POF1B: variants seen among roughly 807,000 people sequenced by gnomAD.
POF1B encodes POF1B actin binding protein, also known as protein POF1B.
In POF1B, 53 loss-of-function variants were observed where a neutral mutation model predicts 55.3. The ratio of observed to expected loss-of-function variants is 0.96; its 90% confidence interval spans 0.77 to 1.20. The LOEUF (loss-of-function observed/expected upper bound fraction) is 1.20. Ranked by LOEUF, POF1B falls within the 50% of genes most tolerant of loss-of-function variation. The pLI is 0.00. For missense variants in POF1B, 478 were observed against 420.5 expected, an observed-to-expected ratio of 1.14 and a Z score of -1.20; for synonymous variants, 188 against 148.3, an observed-to-expected ratio of 1.27 and a Z score of -1.95.
intron 9 of POF1B, among the ~76,000 whole-genome samples, chrX:85,313,702 G>C (rs1011517923): frequency 9.0e-6 from 1 of 111,439 alleles, no homozygotes; most frequent in Non-Finnish European, 1.9e-5. Context: ...AACGAGTTAG[G>C]GGGGAGTCTC....
intron 9 of POF1B, among the ~76,000 whole-genome samples, chrX:85,313,509 C>T (rs1932754422): frequency 8.9e-6 from 1 of 112,172 alleles, no homozygotes; most frequent in East Asian, 2.8e-4. Flanking sequence ...ATCAGCCTTG[C>T]ATTCCAGCGA....
At chrX:85,287,515 GACAC>G (rs1185824350) in intron 15 of POF1B, among the ~76,000 whole-genome samples, 1 of 111,337 alleles carries the variant, frequency 9.0e-6, no homozygotes, top group Non-Finnish European at 1.9e-5. Context: ...TTCTTCAAGA[GACAC>G]AAACTACAAA....
At chrX:85,372,772 A>ATATATATATATATATATATATATATAT (rs1193270205) in intron 2 of POF1B, among the ~76,000 whole-genome samples, 1 of 101,499 alleles carries the variant, frequency 9.9e-6, no homozygotes, top group African/African-American at 3.6e-5. Context: ...TATTATATAT[A>ATATATATATATATATATATATATATAT]CTATATATAT....
intron 15 of POF1B, among the ~76,000 whole-genome samples, chrX:85,285,545 G>C (rs770345294): frequency 1.0e-4 from 11 of 107,198 alleles, no homozygotes; most frequent in African/African-American, 3.1e-4. Flanking sequence ...GCAAACTACC[G>C]CAAGGACAGA....
chrX:85,304,753 A>G (rs1182019611), intron 13 of POF1B, among the ~76,000 whole-genome samples: 1 of 111,448 alleles, frequency 9.0e-6, no homozygotes, highest in African/African-American at 3.2e-5. Context: ...GAAAACAGGC[A>G]CTTTAGAGTC....
chrX:85,370,309 C>T (rs1409031121), intron 2 of POF1B, among the ~76,000 whole-genome samples: 1 of 111,895 alleles, frequency 8.9e-6, no homozygotes, highest in Non-Finnish European at 1.9e-5. Context: ...AAAGCTGGAA[C>T]ATTAAGTCCA....
intron 3 of POF1B, among the ~76,000 whole-genome samples, chrX:85,363,330 G>C (rs1933659786): frequency 9.0e-6 from 1 of 111,082 alleles, no homozygotes; most frequent in Admixed American, 9.6e-5. Flanking sequence ...TCTTTCTGTT[G>C]TGATGTTAGG....
intron 14 of POF1B, among the ~76,000 whole-genome samples, chrX:85,303,904 C>T (rs1195075461): frequency 9.0e-6 from 1 of 111,138 alleles, no homozygotes; most frequent in Non-Finnish European, 1.9e-5. Context: ...ACTACAAGCA[C>T]CATTTGCTCC....
intron 6 of POF1B, among the ~76,000 whole-genome samples, chrX:85,341,428 G>T (rs1244385761): frequency 9.0e-6 from 1 of 110,538 alleles, no homozygotes; most frequent in Non-Finnish European, 1.9e-5. Context: ...TTATAAAAAA[G>T]CAAATAAGTA....
At chrX:85,301,392 A>C (rs906064346) in intron 15 of POF1B, among the ~76,000 whole-genome samples, 1 of 112,016 alleles carries the variant, frequency 8.9e-6, no homozygotes, top group African/African-American at 3.2e-5. Flanking sequence ...TATTTTATCC[A>C]GCAAAACCAT....
At chrX:85,284,131 A>G (rs1931978338) in intron 15 of POF1B, among the ~76,000 whole-genome samples, 2 of 111,168 alleles carry the variant, frequency 1.8e-5, no homozygotes, top group Admixed American at 1.9e-4. Flanking sequence ...AAGAACTACA[A>G]ACAACTGCTC....
At chrX:85,371,967 G>C (rs1453092613) in intron 2 of POF1B, among the ~76,000 whole-genome samples, 2 of 111,839 alleles carry the variant, frequency 1.8e-5, no homozygotes, top group Non-Finnish European at 3.8e-5. Context: ...TCAGCATTTT[G>C]TTGAGTCGTT....
intron 6 of POF1B, among the ~76,000 whole-genome samples, chrX:85,332,760 A>C (rs926681220): frequency 9.0e-6 from 1 of 111,608 alleles, no homozygotes; most frequent in Admixed American, 9.6e-5. Flanking sequence ...GACACAAAAA[A>C]AGTGTAGTAT....
rs189996223 is a variant in POF1B at position 85,361,599 on chromosome X, T to G, written c.358-1969A>C. 9.0e-5 allele frequency among the ~76,000 whole-genome samples: 10 copies of G among 111,704 alleles called. No homozygotes were observed. The East Asian group carries it at 2.8e-3, about 31-fold the overall frequency. ...TGTTCTTGTACCAGTACCATGCTGT[T>G]TTGGTTACTGTAGCCCTGTAGTAGT... is the stretch of plus-strand genomic sequence containing the variant. On this transcript the variant is annotated intron_variant, in intron 3 of 16. Coordinates refer to ENST00000262753, the MANE Select transcript of POF1B (RefSeq NM_024921.4).
At chrX:85,293,154 C>G (rs1317344065) in intron 15 of POF1B, among the ~76,000 whole-genome samples, 10 of 112,052 alleles carry the variant, frequency 8.9e-5, no homozygotes, top group Non-Finnish European at 1.5e-4. Flanking sequence ...CCATTCAACA[C>G]AGCAATCTCA....
At chrX:85,325,826 G>A (rs1055807936) in intron 7 of POF1B, among the ~76,000 whole-genome samples, 1 of 111,607 alleles carries the variant, frequency 9.0e-6, no homozygotes, top group African/African-American at 3.3e-5. Context: ...AATCTTTGAA[G>A]TTGCTGACCT....
At chrX:85,341,881 A>C (rs1249187886) in intron 6 of POF1B, among the ~76,000 whole-genome samples, 2 of 111,339 alleles carry the variant, frequency 1.8e-5, no homozygotes, top group Non-Finnish European at 3.8e-5. Context: ...AGTATTTTTC[A>C]TTGGCAATAG....
intron 7 of POF1B, among the ~76,000 whole-genome samples, chrX:85,326,799 C>T (rs1932902470): frequency 9.1e-6 from 1 of 109,476 alleles, no homozygotes; most frequent in Non-Finnish European, 1.9e-5. Flanking sequence ...TCCCCTCCCA[C>T]TTGAGCTCTT....
chrX:85,286,090 T>C (rs1932046933), intron 15 of POF1B, among the ~76,000 whole-genome samples: 1 of 111,762 alleles, frequency 8.9e-6, no homozygotes, highest in African/African-American at 3.2e-5. Context: ...GATAGTTGGC[T>C]GTTGAAAACA....
Sources: allele counts gnomAD v4.1 joint callset (sites outside exome capture counted in the v4.1 genomes callset), GRCh38; gene constraint gnomAD v4.1.1; transcripts MANE v1.5; gene names NCBI Gene and HGNC (gene_info 2026-07-23, HGNC 2026-07-21).